The following BRINP3 variants were observed in gnomAD, a reference collection of about 807,000 sequenced individuals.
BRINP3 encodes the protein BMP/retinoic acid-inducible neural-specific protein 3.
BRINP3 carries 19 observed loss-of-function variants against 71.0 expected under a neutral mutation model. The ratio of observed to expected loss-of-function variants is 0.27; its 90% CI spans 0.19 to 0.39. The LOEUF is 0.39. BRINP3 is among the 10% of genes least tolerant of loss of function. BRINP3 has a pLI of 1.00. For missense variants in BRINP3, 959 were observed against 940.8 expected, an observed-to-expected ratio of 1.02 and a Z score of -0.25; for synonymous variants, 380 against 337.7, an observed-to-expected ratio of 1.13 and a Z score of -1.37.
At chr1:190,138,793 A>G (rs559095315) in intron 7 of BRINP3, among the ~76,000 whole-genome samples, 3 of 152,158 alleles carry the variant, frequency 2.0e-5, no homozygotes, top group Non-Finnish European at 2.9e-5. Flanking sequence ...CCAGACCAAG[A>G]AAGGACAAAG....
intron 1 of BRINP3, among the ~76,000 whole-genome samples, chr1:190,465,231 T>C (rs1676661381): frequency 6.6e-6 from 1 of 151,968 alleles, no homozygotes; most frequent in South Asian, 2.1e-4. Context: ...TTTTAATTCA[T>C]AAAGAAATTG....
At chr1:190,234,524 T>C (rs1168590565) in intron 4 of BRINP3, 47 bp from the exon 5 acceptor site, 2 of 1,438,304 alleles carry the variant, frequency 1.4e-6, no homozygotes, top group Non-Finnish European at 2.0e-6. Flanking sequence ...GACTTTACAA[T>C]GTCCTTTTGG....
intron 2 of BRINP3, among the ~76,000 whole-genome samples, chr1:190,379,930 G>A (rs1362214367): frequency 1.4e-5 from 2 of 146,528 alleles, no homozygotes; most frequent in Admixed American, 7.1e-5. Context: ...ACCCAGTGGC[G>A]GAGGTTGCAG....
At chr1:190,458,383 A>C (rs1290576756) in intron 1 of BRINP3, among the ~76,000 whole-genome samples, 1 of 152,140 alleles carries the variant, frequency 6.6e-6, no homozygotes, top group East Asian at 1.9e-4. Flanking sequence ...CACAAGTTAC[A>C]TGACAGGGAG....
intron 2 of BRINP3, among the ~76,000 whole-genome samples, chr1:190,423,365 G>A (rs1279744784): frequency 2.6e-5 from 4 of 151,504 alleles, no homozygotes; most frequent in Non-Finnish European, 4.4e-5. Flanking sequence ...AGAGTCTAAG[G>A]CAGCCCCCAG....
intron 2 of BRINP3, among the ~76,000 whole-genome samples, chr1:190,341,234 T>G (rs1190243656): frequency 6.6e-6 from 1 of 151,882 alleles, no homozygotes; most frequent in Non-Finnish European, 1.5e-5. Flanking sequence ...TTTTCAATGC[T>G]AATCTATGGT....
rs141070327 is a variant in BRINP3, at chr1:190,270,378, C to A, written c.428-5323G>T. Among the ~76,000 whole-genome samples the A allele has an allele frequency of 5.2e-3, 791 of 151,126 alleles. 5 individuals are homozygous for A. The highest frequency in any genetic ancestry group is 0.018 in the African/African-American group (764 of 41,374). On this transcript the variant is annotated intron_variant, in intron 3 of 7. Coordinates refer to ENST00000367462, the MANE Select transcript of BRINP3 (RefSeq NM_199051.3). ...ATAAAATTATATCAAATTTTAAAAG[C>A]CATCCCTAAAAAATAAAAACAGAAT...
rs113317305 is a variant in BRINP3, at chr1:190,334,355, G to A, written c.237-52605C>T. Among the ~76,000 whole-genome samples, 772 of 151,874 alleles carry A rather than the reference G, an allele frequency of 5.1e-3. 7 individuals carry two copies. Among genetic ancestry groups the A allele is most frequent in the African/African-American group, 0.017 (724 of 41,480 alleles). On this transcript the variant is annotated intron_variant, in intron 2 of 7. Transcript: ENST00000367462. ...TCCTTTGGTTTCCCATCATAATGTG[G>A]AATTTTGCAAGTCTTGGCTAAATAT...
chr1:190,103,986 C>A (rs941822995), intron 7 of BRINP3, among the ~76,000 whole-genome samples: 2 of 151,290 alleles, frequency 1.3e-5, no homozygotes, highest in Admixed American at 1.3e-4. Flanking sequence ...TACAATTGAA[C>A]CTTATCAATT....
At chr1:190,263,962 T>C (rs1661424539) in intron 4 of BRINP3, among the ~76,000 whole-genome samples, 1 of 152,200 alleles carries the variant, frequency 6.6e-6, no homozygotes, top group Admixed American at 6.5e-5. Context: ...ACGTTACATT[T>C]AATCATTCCT....
At chr1:190,447,074 C>G (rs920219665) in intron 2 of BRINP3, among the ~76,000 whole-genome samples, 1 of 151,656 alleles carries the variant, frequency 6.6e-6, no homozygotes, top group African/African-American at 2.4e-5. Context: ...AAGAGAAATT[C>G]AGGGACATGA....
At chr1:190,126,334 C>T (rs1654085530) in intron 7 of BRINP3, among the ~76,000 whole-genome samples, 2 of 151,802 alleles carry the variant, frequency 1.3e-5, no homozygotes, top group Non-Finnish European at 2.9e-5. Flanking sequence ...ATATGTTCAC[C>T]TTGAATTTGC....
rs1225435170 is a variant in BRINP3 at position 190,409,902 on chromosome 1, C to A, written c.236+44753G>T. Among the ~76,000 whole-genome samples, 3 of 152,058 alleles carry A rather than the reference C, an allele frequency of 2.0e-5. No homozygotes were observed. The East Asian group carries it at 5.8e-4, about 29-fold the overall frequency. ...TAAGACAAAGGAGGCAGAGAGAGGA[C>A]AAAATCACCTAAGGCATGATGAGCA... On this transcript the variant is annotated intron_variant, in intron 2 of 7. Coordinates refer to ENST00000367462, the MANE Select transcript of BRINP3 (RefSeq NM_199051.3).
intron 6 of BRINP3, among the ~76,000 whole-genome samples, chr1:190,198,548 C>T (rs543081995): frequency 1.3e-5 from 2 of 152,006 alleles, no homozygotes; most frequent in East Asian, 3.9e-4. Flanking sequence ...TGTTTAAAAA[C>T]ACACCAGATG....
At chr1:190,104,861 T>C in intron 7 of BRINP3, among the ~76,000 whole-genome samples, 1 of 152,108 alleles carries the variant, frequency 6.6e-6, no homozygotes, top group Middle Eastern at 3.2e-3. Flanking sequence ...CTTCTAATCC[T>C]TTATTGCTCT....
intron 2 of BRINP3, among the ~76,000 whole-genome samples, chr1:190,398,590 GC>G (rs1482521623): frequency 1.2e-4 from 18 of 151,870 alleles, no homozygotes; most frequent in African/African-American, 3.9e-4. Flanking sequence ...GGCTAAATAA[GC>G]AAAATAGTTT....
chr1:190,139,340 T>G (rs1655234902), intron 7 of BRINP3, among the ~76,000 whole-genome samples: 1 of 150,296 alleles, frequency 6.7e-6, no homozygotes, highest in East Asian at 2.0e-4. Flanking sequence ...TAATCCCAGC[T>G]ACCTGGGAGG....
chr1:190,275,927 T>C (rs1662513427), intron 3 of BRINP3, among the ~76,000 whole-genome samples: 1 of 151,308 alleles, frequency 6.6e-6, no homozygotes. Flanking sequence ...AGATATTTTA[T>C]TTTATTTACC....
chr1:190,175,724 C>T (rs1017401314), intron 6 of BRINP3, among the ~76,000 whole-genome samples: 7 of 152,172 alleles, frequency 4.6e-5, no homozygotes, highest in Admixed American at 1.3e-4. Flanking sequence ...AGAAATCTGT[C>T]TCCTATCTAT....
Sources: gnomAD v4.1 joint callset for allele counts (sites outside exome capture counted in the v4.1 genomes callset) on GRCh38, gnomAD v4.1.1 for gene constraint, MANE v1.5 for transcripts, NCBI Gene and HGNC (gene_info 2026-07-23, HGNC 2026-07-21) for gene names.